Variants in TNRC6A observed in about 807,000 individuals in gnomAD.
The protein encoded by TNRC6A is trinucleotide repeat-containing gene 6A protein.
TNRC6A carries 44 observed loss-of-function variants against 221.2 expected under a neutral mutation model. The ratio of observed to expected loss-of-function variants is 0.20; its 90% CI spans 0.16 to 0.26. The LOEUF is 0.26. Ranked by LOEUF, TNRC6A falls within the 10% of genes least tolerant of loss-of-function variation. TNRC6A has a pLI of 1.00. For synonymous variants in TNRC6A, 847 were observed against 838.5 expected (o/e 1.01, Z -0.18); for missense variants, 2,199 against 2,404.4 (o/e 0.91, Z 1.79).
At chr16:24,812,192 C>T (rs1442250409) in intron 18 of TNRC6A, among the ~76,000 whole-genome samples, 1 of 151,720 alleles carries the variant, frequency 6.6e-6, no homozygotes, top group Non-Finnish European at 1.5e-5. Flanking sequence ...GCTGGGATTA[C>T]AGGTGTGTGT....
At chr16:24,778,332 G>A (rs2057769842) in intron 5 of TNRC6A, 1 of 984,400 alleles carries the variant, frequency 1.0e-6, no homozygotes, top group Non-Finnish European at 1.2e-6. Context: ...AATATATTAT[G>A]GTATTTCACA....
chr16:24,782,828 C>T (rs998200516), intron 5 of TNRC6A, among the ~76,000 whole-genome samples: 15 of 151,988 alleles, frequency 9.9e-5, no homozygotes, highest in Admixed American at 2.0e-4. Flanking sequence ...GCCGAGATCG[C>T]GCCACTGCAC....
In TNRC6A at chr16:24,680,047, G is replaced by A. The variant is rs139268295; in HGVS notation, n.402+39038G>A. ...TAAATGCATTTAAATAAATCTGGAGGTAAACATATCACCTGATAGCTAGTG... is the reference window on the plus strand; with the variant it reads ...TAAATGCATTTAAATAAATCTGGAGATAAACATATCACCTGATAGCTAGTG... On this transcript the variant is annotated intron_variant and non_coding_transcript_variant, in intron 2 of 2. Coordinates refer to the TNRC6A transcript ENST00000566108. 9.0e-3 allele frequency among the ~76,000 whole-genome samples: 1,371 copies of A among 152,300 alleles called. 9 individuals carry two copies. Among genetic ancestry groups the A allele is most frequent in the Non-Finnish European group, 0.014 (961 of 68,024 alleles).
intron 1 of TNRC6A, among the ~76,000 whole-genome samples, chr16:24,612,725 G>A (rs955725021): frequency 2.0e-5 from 3 of 152,074 alleles, no homozygotes; most frequent in Non-Finnish European, 4.4e-5. Context: ...CAGCCTGGGT[G>A]ACAGAGTGAG....
chr16:24,714,430 T>C (rs1389740172), intron 2 of TNRC6A, among the ~76,000 whole-genome samples: 2 of 144,016 alleles, frequency 1.4e-5, no homozygotes, highest in African/African-American at 5.1e-5. Flanking sequence ...TGCCTCAGCC[T>C]CCCGAGTAGC....
intron 2 of TNRC6A, among the ~76,000 whole-genome samples, chr16:24,742,230 G>T (rs1283051951): frequency 6.6e-6 from 1 of 152,182 alleles, no homozygotes; most frequent in East Asian, 1.9e-4. Flanking sequence ...TACAGTTTGA[G>T]ACGTCTCATA....
At chr16:24,636,109 C>T (rs558919233) in intron 1 of TNRC6A, among the ~76,000 whole-genome samples, 15 of 152,330 alleles carry the variant, frequency 9.8e-5, no homozygotes, top group Non-Finnish European at 1.5e-5. Flanking sequence ...TGCAGGGAGG[C>T]ATGTGACGGA....
At chr16:24,633,751 A>C (rs191361923) in intron 1 of TNRC6A, among the ~76,000 whole-genome samples, 15 of 150,114 alleles carry the variant, frequency 1.0e-4, no homozygotes, top group Non-Finnish European at 1.9e-4. Flanking sequence ...CTCCCAATAG[A>C]ATTTAAGCTC....
intron 2 of TNRC6A, among the ~76,000 whole-genome samples, chr16:24,704,753 CT>C (rs2056064277): frequency 6.7e-6 from 1 of 148,834 alleles, no homozygotes; most frequent in African/African-American, 2.5e-5. Context: ...TACGTACTCA[CT>C]TTTGTAGCAA....
chr16:24,656,481 A>AAT (rs398029058), intron 2 of TNRC6A, among the ~76,000 whole-genome samples: 1 of 116,390 alleles, frequency 8.6e-6, no homozygotes, highest in Admixed American at 9.3e-5. Context: ...AAAAAAAAAA[A>AAT]GAGAGAGAGA....
chr16:24,616,343 A>AG (rs35929136), intron 1 of TNRC6A, among the ~76,000 whole-genome samples: 1 of 106,676 alleles, frequency 9.4e-6, no homozygotes, highest in East Asian at 3.1e-4. Context: ...AAAAAAAAAA[A>AG]AGAAGAAGAA....
At position 24,820,874 on chromosome 16, in the gene TNRC6A, C is replaced by T. The variant is rs372091003; in HGVS notation, c.5302+514C>T. On this transcript the variant is annotated intron_variant, in intron 22 of 24. Transcript: ENST00000395799. The stretch of plus-strand genomic sequence containing the variant: ...CATTGGATTTGTACTGGCATCATTT[C>T]CTGCCTGTGCTGTCTCCACACCATA... Among the ~76,000 whole-genome samples, 107 of 152,318 alleles carry T rather than the reference C, an allele frequency of 7.0e-4. 2 individuals carry two copies. In the South Asian group the frequency reaches 0.022, roughly 31 times the overall value.
intron 5 of TNRC6A, among the ~76,000 whole-genome samples, chr16:24,779,093 A>T (rs982143322): frequency 6.6e-6 from 1 of 152,218 alleles, no homozygotes; most frequent in Non-Finnish European, 1.5e-5. Flanking sequence ...AAAAATAACT[A>T]TGAGTCAAAA....
chr16:24,701,202 G>A (rs866444283), intron 2 of TNRC6A, among the ~76,000 whole-genome samples: 49 of 152,168 alleles, frequency 3.2e-4, no homozygotes, highest in African/African-American at 1.0e-3. Flanking sequence ...TGACTCAGGC[G>A]GAGACTATTC....
chr16:24,692,121 T>C (rs908056915), intron 2 of TNRC6A, among the ~76,000 whole-genome samples: 3 of 152,196 alleles, frequency 2.0e-5, no homozygotes, highest in Non-Finnish European at 4.4e-5. Flanking sequence ...GGGGTTTCCA[T>C]GCTACAGGGT....
intron 2 of TNRC6A, among the ~76,000 whole-genome samples, chr16:24,736,831 A>G (rs1173303717): frequency 2.6e-5 from 4 of 152,240 alleles, no homozygotes; most frequent in African/African-American, 4.8e-5. Flanking sequence ...TAAATATTTG[A>G]GGTTACAGTA....
intron 2 of TNRC6A, among the ~76,000 whole-genome samples, chr16:24,648,883 A>C (rs919345008): frequency 1.3e-5 from 2 of 152,172 alleles, no homozygotes; most frequent in African/African-American, 4.8e-5. Flanking sequence ...CACAACCAAC[A>C]TGCAGCTTTT....
intron 1 of TNRC6A, among the ~76,000 whole-genome samples, chr16:24,629,243 A>C (rs1211529456): frequency 1.3e-5 from 2 of 152,184 alleles, no homozygotes; most frequent in Admixed American, 6.6e-5. Flanking sequence ...ATTTTCCTTC[A>C]GCTTTGTCAT....
At chr16:24,613,087 A>G (rs2141532562) in intron 1 of TNRC6A, among the ~76,000 whole-genome samples, 1 of 139,388 alleles carries the variant, frequency 7.2e-6, no homozygotes. Flanking sequence ...TTGCGCTCTA[A>G]CCTGGGTGAC....
Sources: gnomAD v4.1 joint callset for allele counts (sites outside exome capture counted in the v4.1 genomes callset) on GRCh38, gnomAD v4.1.1 for gene constraint, MANE v1.5 for transcripts, NCBI Gene and HGNC (gene_info 2026-07-23, HGNC 2026-07-21) for gene names.